Variants in USHBP1 observed in about 807,000 individuals in gnomAD.
USHBP1 encodes harmonin-binding protein USHBP1.
USHBP1 carries 67 observed loss-of-function variants against 76.2 expected under a neutral mutation model. The ratio of observed to expected loss-of-function variants is 0.88; its 90% CI spans 0.72 to 1.08. The LOEUF (loss-of-function observed/expected upper bound fraction) is 1.08, where lower values mean the gene tolerates loss of function less well. Ranked by LOEUF, USHBP1 falls within the 50% of genes least tolerant of loss-of-function variation. The pLI is 0.00. For synonymous variants in USHBP1, 322 were observed against 362.2 expected, an observed-to-expected ratio of 0.89 and a Z score of 1.26; for missense variants, 931 against 915.0, an observed-to-expected ratio of 1.02 and a Z score of -0.23.
In USHBP1 at chr19:17,251,891, C is replaced by T. The variant is rs772621037; in HGVS notation, c.1799+20G>A. 33 of 1,532,198 alleles carry T rather than the reference C, an allele frequency of 2.2e-5. No individual in the cohort carries two copies. Among genetic ancestry groups the T allele is most frequent in the Non-Finnish European group, 2.7e-5 (31 of 1,142,282 alleles). The allele number at this position is 1,532,198 out of a possible 1,614,324, so 94.9% of individuals were successfully genotyped here. On this transcript the variant is annotated intron_variant, in intron 11 of 12. Transcript: ENST00000252597. The stretch of plus-strand genomic sequence containing the variant: ...GGCTGCCTGCCCACCCCCCGCACAG[C>T]CCAGGACCCAGGCACACACCTGGTG...
At chr19:17,256,392 G>C in intron 9 of USHBP1, 79 bp downstream of exon 9, 1 of 1,573,450 alleles carries the variant, frequency 6.4e-7, no homozygotes, top group Non-Finnish European at 8.6e-7. Flanking sequence ...ATTCTCCTTT[G>C]CTCCTTGGTC....
At chr19:17,256,413 A>T in intron 9 of USHBP1, 58 bp downstream of exon 9, 2 of 1,600,070 alleles carry the variant, frequency 1.2e-6, no homozygotes, top group Non-Finnish European at 1.7e-6. Flanking sequence ...CCCCGACCTC[A>T]GTAAAGGATT....
Position 17,251,670 on chromosome 19 carries a change from G to A in USHBP1, c.1834C>T (p.Arg612Cys), listed in dbSNP as rs139642055. 1.6e-4 allele frequency: 264 copies of A among 1,613,674 alleles called. No individual in the cohort carries two copies. Among genetic ancestry groups the A allele is most frequent in the African/African-American group, 1.4e-3 (104 of 75,032 alleles). ...LDLQEQLQSLRRELEQVAQKG... is the reference protein window; with the variant it reads ...LDLQEQLQSLCRELEQVAQKG... Reference sequence around the variant, plus strand: ...TGAGCCACCTGTTCCAGCTCCCTGCGCAGAGACTGCAGCTGCTCCTGCAGG... The same window carrying A: ...TGAGCCACCTGTTCCAGCTCCCTGCACAGAGACTGCAGCTGCTCCTGCAGG... Residue 612 changes from arginine (R) to cysteine (C), a missense_variant, in exon 12 of 13, where the codon CGC becomes TGC. Coordinates refer to ENST00000252597, the MANE Select transcript of USHBP1 (RefSeq NM_031941.4).
chr19:17,261,230 G>C, intron 4 of USHBP1, among the ~76,000 whole-genome samples: 1 of 151,996 alleles, frequency 6.6e-6, no homozygotes, highest in East Asian at 1.9e-4. Flanking sequence ...CTGTGTTCCA[G>C]CCACACTGGC....
chr19:17,255,287 C>T (rs2073603667), intron 10 of USHBP1, 98 bp downstream of exon 10: 8 of 1,316,924 alleles, frequency 6.1e-6, no homozygotes, highest in African/African-American at 1.9e-5. Context: ...AGCCAAACTC[C>T]GTCTCAAAAA....
At position 17,250,122 on chromosome 19, in the gene USHBP1, G is replaced by A. The variant is rs2145575160; in HGVS notation, c.*103C>T. 1 of 1,371,294 alleles carries A rather than the reference G, an allele frequency of 7.3e-7. No individual in the cohort carries two copies. Among genetic ancestry groups the A allele is most frequent in the East Asian group, 2.6e-5 (1 of 39,096 alleles). The allele number at this position is 1,371,294 out of a possible 1,614,324, so 84.9% of individuals were successfully genotyped here. A position where few individuals can be genotyped will look rare whatever the true frequency, so the allele number is the denominator to read the frequency against. On this transcript the variant is annotated 3_prime_UTR_variant, in exon 13 of 13. Transcript: ENST00000252597. ...CACCAGCTTCCCTCACGCCAAATGT[G>A]CCCCAACATGCCAAATCATGCAACA...
At chr19:17,258,829 G>GAAGCATGCAGACTCCC in intron 7 of USHBP1, 1 of 243,754 alleles carries the variant, frequency 4.1e-6, no homozygotes, top group East Asian at 1.3e-4. Flanking sequence ...CTCAGCTCTG[G>GAAGCATGCAGACTCCC]AAGCATGCAG....
intron 8 of USHBP1, among the ~76,000 whole-genome samples, chr19:17,257,424 C>T (rs1171628198): frequency 1.3e-5 from 2 of 149,728 alleles, no homozygotes; most frequent in Non-Finnish European, 3.0e-5. Context: ...AAGTGGATCA[C>T]CTGAGGTCAG....
At chr19:17,260,888 C>T (rs1163509149) in intron 4 of USHBP1, among the ~76,000 whole-genome samples, 1 of 152,196 alleles carries the variant, frequency 6.6e-6, no homozygotes, top group Non-Finnish European at 1.5e-5. Flanking sequence ...CTTGACTTCT[C>T]TCTAGCCTTC....
chr19:17,253,885 T>A (rs1394553125), intron 10 of USHBP1, among the ~76,000 whole-genome samples: 8 of 116,218 alleles, frequency 6.9e-5, no homozygotes, highest in Non-Finnish European at 1.4e-4. Context: ...CAGAGCAAGA[T>A]CCGTTTCCCA....
rs1313345502 is a variant in USHBP1 at position 17,251,985 on chromosome 19, G to A, written c.1725C>T (p.Gly575=). Reference sequence around the variant, plus strand: ...CTCTGCCCACCTGGCCACCATCAATGCCACTGGTGCCACCAGGGACAGCAG... The same window carrying A: ...CTCTGCCCACCTGGCCACCATCAATACCACTGGTGCCACCAGGGACAGCAG... ...GLPAVPGGTS[G]IDGGQVGRAW... is the part of the protein sequence containing the mutation. Residue 575 remains glycine (G), a synonymous_variant, in exon 11 of 13, where the codon GGC becomes GGT. Coordinates refer to ENST00000252597, the MANE Select transcript of USHBP1 (RefSeq NM_031941.4). 1.9e-6 allele frequency: 3 copies of A among 1,549,332 alleles called. No homozygotes were observed. The highest frequency in any genetic ancestry group is 3.9e-5 in the Admixed American group (2 of 51,008).
At position 17,259,586 on chromosome 19, in the gene USHBP1, A is replaced by G; in HGVS notation, c.905+10T>C. 6.2e-7 allele frequency: 1 copy of G among 1,606,128 alleles called. No individual in the cohort carries two copies. Among genetic ancestry groups the G allele is most frequent in the Non-Finnish European group, 8.5e-7 (1 of 1,176,946 alleles). ...TGTGCCCTTATGAGCTCAGCATTTG[A>G]GTCTCTTACCCCCGGAGTTGCTCCA... On this transcript the variant is annotated intron_variant, in intron 6 of 12. Transcript: ENST00000252597.
intron 4 of USHBP1, among the ~76,000 whole-genome samples, chr19:17,262,156 G>A (rs1321891981): frequency 2.6e-5 from 4 of 151,806 alleles, no homozygotes; most frequent in Admixed American, 6.6e-5. Flanking sequence ...CTATGCCACC[G>A]CACCCGGCTA....
In USHBP1 at chr19:17,259,932, T is replaced by C; in HGVS notation, c.733A>G (p.Ser245Gly). The change falls in exon 5 of 13, where the codon AGC becomes GGC. Residue 245 changes from serine (S) to glycine (G), a missense_variant. Transcript: ENST00000252597. ...QAGGSGSGSS[S>G]SEADREPWET... ...CAGGGTTCCCTGTCTGCCTCAGAGC[T>C]GCTAGAACCACTGCCTGAGCCACCT... 6.2e-7 allele frequency: 1 copy of C among 1,614,104 alleles called. No homozygotes were observed. Among genetic ancestry groups the C allele is most frequent in the Admixed American group, 1.7e-5 (1 of 60,006 alleles).
At chr19:17,253,809 G>C (rs929222549) in intron 10 of USHBP1, among the ~76,000 whole-genome samples, 1 of 148,792 alleles carries the variant, frequency 6.7e-6, no homozygotes, top group African/African-American at 2.5e-5. Flanking sequence ...CAGGAGAATC[G>C]CTTGAACCTG....
At chr19:17,251,541 G>A in intron 12 of USHBP1, 41 bp downstream of exon 12, 2 of 1,610,458 alleles carry the variant, frequency 1.2e-6, no homozygotes, top group Non-Finnish European at 1.7e-6. Flanking sequence ...CCTGGTGGGG[G>A]ATGGTGCCAG....
Position 17,251,595 on chromosome 19 carries a change from A to AT in USHBP1, c.1908dup (p.Cys637MetfsTer107), listed in dbSNP as rs756468491. The AT allele has an allele frequency of 1.9e-6, 3 of 1,613,942 alleles. No individual in the cohort carries two copies. The highest frequency in any genetic ancestry group is 2.5e-6 in the Non-Finnish European group (3 of 1,179,916). On this transcript the variant is annotated frameshift_variant, in exon 12 of 13. Coordinates refer to ENST00000252597, the MANE Select transcript of USHBP1 (RefSeq NM_031941.4). LOFTEE classifies it low-confidence loss of function (END_TRUNC). ...GAACAGTCCTACCTGTGGGCTTTGCATAAATCCCTGTTCAGCTCGGCACTC... is the reference window on the plus strand; with the variant it reads ...GAACAGTCCTACCTGTGGGCTTTGCATTAAATCCCTGTTCAGCTCGGCACTC...
At chr19:17,255,236 G>A (rs932741982) in intron 10 of USHBP1, 149 bp downstream of exon 10, 3 of 856,812 alleles carry the variant, frequency 3.5e-6, no homozygotes, top group Non-Finnish European at 3.5e-6. Context: ...AGGTTGTGGT[G>A]AGCCGAGATT....
chr19:17,263,860 G>T, intron 3 of USHBP1, 142 bp downstream of exon 3: 1 of 1,180,708 alleles, frequency 8.5e-7, no homozygotes, highest in Non-Finnish European at 1.1e-6. Flanking sequence ...GACACAGCAA[G>T]ACTCAAAAAA....
Sources: gnomAD v4.1 joint callset for allele counts (sites outside exome capture counted in the v4.1 genomes callset) on GRCh38, gnomAD v4.1.1 for gene constraint, MANE v1.5 for transcripts, NCBI Gene and HGNC (gene_info 2026-07-23, HGNC 2026-07-21) for gene names.